The following CENPN variants were observed in gnomAD, a reference collection of about 807,000 sequenced individuals.
The protein encoded by CENPN is interphase centromere complex protein 32.
In CENPN, 36 loss-of-function variants were observed where a neutral mutation model predicts 48.6. The ratio of observed to expected loss-of-function variants is 0.74; its 90% CI spans 0.57 to 0.98. The LOEUF is 0.98. CENPN is among the 50% of genes least tolerant of loss of function. The pLI is 0.00. For synonymous variants in CENPN, 166 were observed against 135.2 expected, an observed-to-expected ratio of 1.23 and a Z score of -1.58; for missense variants, 439 against 399.2, an observed-to-expected ratio of 1.10 and a Z score of -0.85.
intron 5 of CENPN, 146 bp downstream of exon 5, chr16:81,017,980 C>A: frequency 1.8e-6 from 1 of 569,362 alleles, no homozygotes; most frequent in South Asian, 2.2e-5. Context: ...CAGAAACACA[C>A]TGTAAATATT....
rs781173497 is a variant in CENPN at position 81,022,629 on chromosome 16, T to C, written c.564T>C (p.Ile188=). 6.2e-7 allele frequency: 1 copy of C among 1,614,082 alleles called. No homozygotes were observed. The highest frequency in any genetic ancestry group is 1.7e-5 in the Admixed American group (1 of 60,022). ...CAATTGCTAGCAAACACCATCAGAT[T>C]GTGAAAATGGACCTGAGAAGTCGGT... is the stretch of plus-strand genomic sequence containing the variant. The part of the protein sequence containing the change: ...ALTIASKHHQ[I]VKMDLRSRYL... Residue 188 remains isoleucine (I), a synonymous_variant, in exon 7 of 11, where the codon ATT becomes ATC. Coordinates refer to ENST00000305850, the MANE Select transcript of CENPN (RefSeq NM_001100624.3).
At chr16:81,011,850 T>G in intron 1 of CENPN, 80 bp from the exon 2 acceptor site, 7 of 1,145,464 alleles carry the variant, frequency 6.1e-6, no homozygotes, top group Non-Finnish European at 8.9e-6. Flanking sequence ...TTTTCATATG[T>G]GTATGTGTAT....
chr16:81,017,437 G>T, intron 4 of CENPN, 52 bp downstream of exon 4: 1 of 1,264,286 alleles, frequency 7.9e-7, no homozygotes. Flanking sequence ...TTGGACTCAG[G>T]AAGCAGAGGT....
At chr16:81,022,972 GT>G (rs1970286645) in intron 7 of CENPN, 10 of 1,221,276 alleles carry the variant, frequency 8.2e-6, no homozygotes, top group Non-Finnish European at 1.0e-5. Flanking sequence ...ACTAGAATTT[GT>G]TTTCTCTTTA....
At chr16:81,013,329 A>T (rs929660135) in intron 2 of CENPN, among the ~76,000 whole-genome samples, 3 of 152,248 alleles carry the variant, frequency 2.0e-5, no homozygotes, top group African/African-American at 7.2e-5. Context: ...AAATGCAAAC[A>T]AATCTGTAAT....
In CENPN at chr16:81,028,881, G is replaced by C; in HGVS notation, c.*230G>C. 1 of 1,275,480 alleles carries C rather than the reference G, an allele frequency of 7.8e-7. No individual in the cohort carries two copies. Among genetic ancestry groups the C allele is most frequent in the Non-Finnish European group, 9.9e-7 (1 of 1,011,168 alleles). The allele number at this position is 1,275,480 out of a possible 1,614,324, so 79.0% of individuals were successfully genotyped here. ...GCCGTTGTGGCATTTGAGATGACAGGACATATATATATATGGCCCCACACT... is the reference window on the plus strand; with the variant it reads ...GCCGTTGTGGCATTTGAGATGACAGCACATATATATATATGGCCCCACACT... On this transcript the variant is annotated 3_prime_UTR_variant, in exon 11 of 11. Coordinates refer to ENST00000305850, the MANE Select transcript of CENPN (RefSeq NM_001100624.3).
At position 81,012,122 on chromosome 16, in the gene CENPN, A is replaced by T. The variant is rs906138575; in HGVS notation, c.171+12A>T. 3 of 1,612,448 alleles carry T rather than the reference A, an allele frequency of 1.9e-6. No individual in the cohort carries two copies. The highest frequency in any genetic ancestry group is 2.5e-6 in the Non-Finnish European group (3 of 1,178,784). On this transcript the variant is annotated intron_variant, in intron 2 of 10. Coordinates refer to ENST00000305850, the MANE Select transcript of CENPN (RefSeq NM_001100624.3). The stretch of plus-strand genomic sequence containing the variant: ...TCCATCTGTGTGAGGTAACAGTGTT[A>T]AAAATGATGAGCCTTGAACAGAGTG...
intron 1 of CENPN, chr16:81,007,587 T>C (rs1225037283): frequency 6.6e-6 from 1 of 152,390 alleles, no homozygotes; most frequent in African/African-American, 2.4e-5. Flanking sequence ...GATCCTGGGG[T>C]TGCTTCCTTT....
chr16:81,010,914 G>A (rs143662937), intron 1 of CENPN, among the ~76,000 whole-genome samples: 3 of 152,136 alleles, frequency 2.0e-5, no homozygotes, highest in Admixed American at 6.5e-5. Flanking sequence ...CTCTGCCCTC[G>A]CCTCCTTACA....
chr16:81,019,949 A>C (rs1970105347), intron 5 of CENPN, 151 bp from the exon 6 acceptor site: 1 of 540,644 alleles, frequency 1.8e-6, no homozygotes, highest in African/African-American at 2.0e-5. Flanking sequence ...GATTCTCAAA[A>C]TACTCATGAA....
chr16:81,017,023 T>G, intron 3 of CENPN: 2 of 277,954 alleles, frequency 7.2e-6, no homozygotes, highest in Non-Finnish European at 1.4e-5. Flanking sequence ...TCGTGCCAGA[T>G]TAATGTGGCA....
intron 8 of CENPN, 48 bp from the exon 9 acceptor site, chr16:81,026,478 T>C (rs373685481): frequency 9.7e-5 from 85 of 872,324 alleles, no homozygotes; most frequent in Non-Finnish European, 1.5e-4. Flanking sequence ...AATTTAAGGA[T>C]GAAATATATT....
intron 6 of CENPN, among the ~76,000 whole-genome samples, chr16:81,022,134 A>G (rs966472972): frequency 6.6e-6 from 1 of 152,222 alleles, no homozygotes; most frequent in East Asian, 1.9e-4. Flanking sequence ...ATCCTATCAT[A>G]GTAATTCTGT....
intron 6 of CENPN, 89 bp downstream of exon 6, chr16:81,020,365 A>G (rs923637123): frequency 7.7e-5 from 99 of 1,289,414 alleles, no homozygotes; most frequent in African/African-American, 3.2e-4. Context: ...AGTATTTGAT[A>G]GAGAATACTA....
chr16:81,013,260 A>T (rs1430793681), intron 2 of CENPN, among the ~76,000 whole-genome samples: 3 of 152,268 alleles, frequency 2.0e-5, no homozygotes, highest in Non-Finnish European at 4.4e-5. Context: ...TGTGCTGAGT[A>T]AAAGCCAGAC....
At chr16:81,026,875 C>T (rs1970523278) in intron 9 of CENPN, among the ~76,000 whole-genome samples, 1 of 152,158 alleles carries the variant, frequency 6.6e-6, no homozygotes, top group Non-Finnish European at 1.5e-5. Flanking sequence ...ACTGCAACCT[C>T]TGCCTCCCAG....
intron 4 of CENPN, 97 bp from the exon 5 acceptor site, chr16:81,017,661 T>C (rs1969988918): frequency 1.2e-6 from 1 of 860,624 alleles, no homozygotes; most frequent in Non-Finnish European, 1.9e-6. Context: ...ACTCTGGAAT[T>C]ATACAAAATG....
chr16:81,008,494 C>G (rs896225987), intron 1 of CENPN, among the ~76,000 whole-genome samples: 4 of 152,106 alleles, frequency 2.6e-5, no homozygotes, highest in Non-Finnish European at 4.4e-5. Context: ...GCCTCAGCCT[C>G]CCGAGTAGCT....
intron 1 of CENPN, among the ~76,000 whole-genome samples, chr16:81,007,978 G>A (rs905499522): frequency 6.6e-6 from 1 of 152,028 alleles, no homozygotes; most frequent in Non-Finnish European, 1.5e-5. Context: ...GTGGTATCGG[G>A]TGCCTGTAAT....
Sources: gnomAD v4.1 joint callset for allele counts (sites outside exome capture counted in the v4.1 genomes callset) on GRCh38, gnomAD v4.1.1 for gene constraint, MANE v1.5 for transcripts, NCBI Gene and HGNC (gene_info 2026-07-23, HGNC 2026-07-21) for gene names.